Variants in TSC22D1 observed in about 807,000 individuals in gnomAD.
TSC22D1 encodes the protein TSC22 domain family member 1, also known as TSC22 domain family protein 1.
TSC22D1 carries 9 observed loss-of-function variants against 74.2 expected under a neutral mutation model. The observed-to-expected ratio is 0.12, with a 90% CI of 0.07 to 0.21. The LOEUF (loss-of-function observed/expected upper bound fraction) is 0.21. TSC22D1 is among the 10% of genes least tolerant of loss of function. The pLI, the probability that TSC22D1 is intolerant of heterozygous loss-of-function variation, is 1.00. For synonymous variants in TSC22D1, 586 were observed against 492.5 expected (o/e 1.19, Z -2.51); for missense variants, 1,427 against 1,304.7 (o/e 1.09, Z -1.44).
At chr13:44,576,869 C>G (rs1228891611), upstream of TSC22D1, among the ~76,000 whole-genome samples, 1 of 151,900 alleles carries the variant, frequency 6.6e-6, no homozygotes, top group Admixed American at 6.6e-5. Flanking sequence ...GCCCAGGGAC[C>G]GCTCCATCAC....
At chr13:44,502,494 A>G (rs1879261772) in intron 1 of TSC22D1, among the ~76,000 whole-genome samples, 1 of 152,200 alleles carries the variant, frequency 6.6e-6, no homozygotes, top group Non-Finnish European at 1.5e-5. Flanking sequence ...TTTCTCAAAT[A>G]TCCCAAGGAT....
chr13:44,514,021 C>T (rs756714045), intron 1 of TSC22D1, among the ~76,000 whole-genome samples: 204 of 152,138 alleles, frequency 1.3e-3, no homozygotes, highest in Non-Finnish European at 2.5e-3. Flanking sequence ...AACAAGGAAA[C>T]TGAGAATAGA....
rs1245478758 is a variant in TSC22D1 at position 44,434,650 on chromosome 13, C to A, written c.3198G>T (p.Ser1066=). 5.1e-6 allele frequency: 8 copies of A among 1,581,964 alleles called. No homozygotes were observed. In the East Asian group the frequency reaches 1.3e-4, roughly 27 times the overall value. The change falls in exon 3 of 3, where the codon TCG becomes TCT. Residue 1066 remains serine, a synonymous_variant. Coordinates refer to ENST00000458659, the MANE Select transcript of TSC22D1 (RefSeq NM_183422.4). ...GTTQPPAQPA[S]QGSGPTA Reference sequence around the variant, plus strand: ...GCTATGCGGTTGGTCCTGAGCCCTGCGATGCTGGCTGGGCGGGGGGCTGTG... The same window carrying A: ...GCTATGCGGTTGGTCCTGAGCCCTGAGATGCTGGCTGGGCGGGGGGCTGTG...
intron 1 of TSC22D1, among the ~76,000 whole-genome samples, chr13:44,444,718 T>C (rs1302152573): frequency 6.6e-6 from 1 of 151,950 alleles, no homozygotes; most frequent in East Asian, 1.9e-4. Flanking sequence ...ATGGGTCAAA[T>C]AAGCAATCAA....
intron 1 of TSC22D1, among the ~76,000 whole-genome samples, chr13:44,533,189 G>T (rs1213943319): frequency 1.3e-5 from 2 of 152,186 alleles, no homozygotes; most frequent in African/African-American, 4.8e-5. Flanking sequence ...AGCCAGGCAT[G>T]ATGGCCGCTG....
At chr13:44,496,290 A>G (rs1595117875) in intron 1 of TSC22D1, among the ~76,000 whole-genome samples, 1 of 152,204 alleles carries the variant, frequency 6.6e-6, no homozygotes, top group Non-Finnish European at 1.5e-5. Flanking sequence ...GCTCACGCCC[A>G]TAATCCCAGC....
chr13:44,517,788 TAC>T (rs368042329), intron 1 of TSC22D1, among the ~76,000 whole-genome samples: 2 of 68,558 alleles, frequency 2.9e-5, no homozygotes, highest in Non-Finnish European at 7.3e-5. Flanking sequence ...CACATATATA[TAC>T]ATATATATAC....
chr13:44,576,350 C>G (rs1026307672), upstream of TSC22D1: 1 of 422,804 alleles, frequency 2.4e-6, no homozygotes, highest in Non-Finnish European at 4.2e-6. Flanking sequence ...CCTCACACCC[C>G]CCTTTATATT....
intron 1 of TSC22D1, among the ~76,000 whole-genome samples, chr13:44,462,429 A>C (rs9595128): frequency 6.6e-6 from 1 of 151,990 alleles, no homozygotes; most frequent in Non-Finnish European, 1.5e-5. Context: ...CAAAAGAAAG[A>C]AGTACTGATA....
chr13:44,575,703 A>T lies in TSC22D1; in HGVS notation c.372T>A (p.Ser124Arg), dbSNP rs1322969331. 6.2e-7 allele frequency: 1 copy of T among 1,614,238 alleles called. No homozygotes were observed. Among genetic ancestry groups the T allele is most frequent in the Admixed American group, 1.7e-5 (1 of 60,032 alleles). ...TSVTPAQISA[S>R]ISSNNSIAED... is the part of the protein sequence containing the mutation. The stretch of plus-strand genomic sequence containing the variant: ...CTGCTATACTGTTGTTAGAGCTGAT[A>T]CTAGCGGAGATCTGAGCAGGAGTAA... The change falls in exon 1 of 3, where the codon AGT (serine) becomes AGA (arginine). Residue 124 changes from serine (S) to arginine (R), a missense_variant. Around this residue, in one of 3 missense-constraint regions of TSC22D1, gnomAD observed 1,343 missense variants for 1,191.5 expected, o/e 1.13. Transcript: ENST00000458659.
At chr13:44,444,218 G>C (rs1288052010) in intron 1 of TSC22D1, among the ~76,000 whole-genome samples, 3 of 129,810 alleles carry the variant, frequency 2.3e-5, no homozygotes, top group Non-Finnish European at 3.1e-5. Flanking sequence ...GGCAGAGGCT[G>C]CAGTGACTCA....
chr13:44,507,037 T>C (rs1383383185), intron 1 of TSC22D1, among the ~76,000 whole-genome samples: 1 of 152,086 alleles, frequency 6.6e-6, no homozygotes, highest in Non-Finnish European at 1.5e-5. Context: ...ATAGAAGCTA[T>C]AAACTGAGGA....
chr13:44,470,071 T>TCTC (rs1378061000), intron 1 of TSC22D1, among the ~76,000 whole-genome samples: 4 of 152,140 alleles, frequency 2.6e-5, no homozygotes, highest in Admixed American at 6.5e-5. Context: ...AACCATGCCC[T>TCTC]CTCCTCTCCC....
chr13:44,436,942 C>T, intron 1 of TSC22D1: 3 of 1,028,176 alleles, frequency 2.9e-6, no homozygotes, highest in Non-Finnish European at 3.5e-6. Flanking sequence ...GCCCCCTACT[C>T]CCTTCCAGGT....
At chr13:44,532,297 T>C (rs939936384) in intron 1 of TSC22D1, among the ~76,000 whole-genome samples, 4 of 152,206 alleles carry the variant, frequency 2.6e-5, no homozygotes, top group African/African-American at 4.8e-5. Context: ...TAGGAGAATC[T>C]CAACATGCAT....
chr13:44,520,230 T>C (rs985930382), intron 1 of TSC22D1, among the ~76,000 whole-genome samples: 1 of 152,134 alleles, frequency 6.6e-6, no homozygotes, highest in African/African-American at 2.4e-5. Flanking sequence ...AGAGTGAGAA[T>C]GAGTCTGCGA....
intron 1 of TSC22D1, chr13:44,474,261 A>C: frequency 2.0e-6 from 2 of 985,396 alleles, no homozygotes; most frequent in Non-Finnish European, 2.4e-6. Context: ...CACGCTACAG[A>C]CTATGGTGGC....
At chr13:44,439,095 C>T (rs1595077413) in intron 1 of TSC22D1, among the ~76,000 whole-genome samples, 1 of 152,306 alleles carries the variant, frequency 6.6e-6, no homozygotes, top group South Asian at 2.1e-4. Context: ...ATCATTTTAA[C>T]TGATCATCCA....
At chr13:44,538,932 A>C (rs770961380) in intron 1 of TSC22D1, 1 of 985,286 alleles carries the variant, frequency 1.0e-6, no homozygotes, top group East Asian at 1.1e-4. Context: ...CATTATCAAG[A>C]TACCTGGAGT....
Sources: allele counts gnomAD v4.1 joint callset (sites outside exome capture counted in the v4.1 genomes callset), GRCh38; gene constraint gnomAD v4.1.1; regional missense constraint gnomAD v4.1.1; transcripts MANE v1.5; gene names NCBI Gene and HGNC (gene_info 2026-07-23, HGNC 2026-07-21).